The following LRP2 variants were observed in gnomAD, a reference collection of about 807,000 sequenced individuals.
LRP2 encodes LDL receptor related protein 2.
In LRP2, 172 loss-of-function variants were observed where a neutral mutation model predicts 531.0. The ratio of observed to expected loss-of-function variants is 0.32; its 90% confidence interval spans 0.29 to 0.37. The LOEUF is 0.37. Ranked by LOEUF, LRP2 falls within the 10% of genes least tolerant of loss-of-function variation. The pLI is 1.00. For synonymous variants in LRP2, 1,992 were observed against 2,027.6 expected (o/e 0.98, Z 0.47); for missense variants, 5,167 against 5,868.3 (o/e 0.88, Z 3.90).
At chr2:169,336,912 C>T (rs1685421109) in intron 1 of LRP2, among the ~76,000 whole-genome samples, 2 of 152,160 alleles carry the variant, frequency 1.3e-5, no homozygotes, top group African/African-American at 4.8e-5. Flanking sequence ...ACTATAAGCA[C>T]TCAACACTTC....
At position 169,255,493 on chromosome 2, in the gene LRP2, CT is replaced by C. The variant is rs1488630658; in HGVS notation, c.2770+612del. On this transcript the variant is annotated intron_variant, in intron 19 of 78. Transcript: ENST00000649046. Reference sequence around the variant, plus strand: ...AATTCATGCTTCTCAGCAATCTTCACTAGTAGCATGAAATTATTTGGAAAGG... The same window carrying C: ...AATTCATGCTTCTCAGCAATCTTCACAGTAGCATGAAATTATTTGGAAAGG... 2.6e-5 allele frequency among the ~76,000 whole-genome samples: 4 copies of C among 151,186 alleles called. No individual in the cohort carries two copies. In the Admixed American group the frequency reaches 2.7e-4, roughly 10 times the overall value.
chr2:169,314,715 G>C (rs929530652), intron 3 of LRP2, among the ~76,000 whole-genome samples: 3 of 152,132 alleles, frequency 2.0e-5, no homozygotes, highest in Non-Finnish European at 4.4e-5. Flanking sequence ...CCTTATACCT[G>C]TGGGTCCAAT....
At chr2:169,332,194 T>G (rs1363312353) in intron 1 of LRP2, among the ~76,000 whole-genome samples, 1 of 152,188 alleles carries the variant, frequency 6.6e-6, no homozygotes, top group Non-Finnish European at 1.5e-5. Flanking sequence ...GAGAAGAAAT[T>G]GACTCTCAAT....
chr2:169,351,116 A>G (rs762536794), intron 1 of LRP2, among the ~76,000 whole-genome samples: 2 of 152,246 alleles, frequency 1.3e-5, no homozygotes, highest in Non-Finnish European at 2.9e-5. Context: ...TAAGTGTTTC[A>G]AGGAGGAAGT....
Position 169,212,250 on chromosome 2 carries a change from A to G in LRP2, c.6041-43T>C, listed in dbSNP as rs1330352995. ...CCATTTGTAACTTTTGATCCTAGCTACTCGCCACCCCATCTCAAATTTCTT... is the reference window on the plus strand; with the variant it reads ...CCATTTGTAACTTTTGATCCTAGCTGCTCGCCACCCCATCTCAAATTTCTT... On this transcript the variant is annotated intron_variant, in intron 36 of 78. Transcript: ENST00000649046. 2.5e-6 allele frequency: 4 copies of G among 1,613,394 alleles called. No homozygotes were observed. The African/African-American group carries it at 5.3e-5, about 22-fold the overall frequency.
At chr2:169,242,853 C>T in intron 24 of LRP2, 103 bp downstream of exon 24, 1 of 855,080 alleles carries the variant, frequency 1.2e-6, no homozygotes, top group Non-Finnish European at 2.0e-6. Context: ...TACTTTCCCC[C>T]AGTTTGTCTG....
intron 19 of LRP2, among the ~76,000 whole-genome samples, chr2:169,247,930 A>G (rs1356296013): frequency 6.6e-6 from 1 of 152,202 alleles, no homozygotes; most frequent in Non-Finnish European, 1.5e-5. Context: ...GACAGTCTGA[A>G]TCATTCCTGA....
intron 41 of LRP2, 78 bp from the exon 42 acceptor site, chr2:169,204,349 G>A (rs745477383): frequency 1.3e-5 from 17 of 1,314,150 alleles, no homozygotes; most frequent in Middle Eastern, 2.1e-4. Context: ...CAATGCATGC[G>A]CCTCATCATT....
At chr2:169,361,271 C>T (rs968124878) in intron 1 of LRP2, among the ~76,000 whole-genome samples, 3 of 151,754 alleles carry the variant, frequency 2.0e-5, no homozygotes, top group African/African-American at 7.3e-5. Context: ...CCGGTTCCAG[C>T]CTCCTCCTCG....
chr2:169,360,046 A>C (rs1345314215), intron 1 of LRP2, among the ~76,000 whole-genome samples: 3 of 149,116 alleles, frequency 2.0e-5, no homozygotes, highest in African/African-American at 7.5e-5. Flanking sequence ...GATCGCTTGA[A>C]CCTGGGAGGC....
intron 46 of LRP2, among the ~76,000 whole-genome samples, chr2:169,196,578 C>T (rs780579967): frequency 6.6e-6 from 1 of 152,162 alleles, no homozygotes; most frequent in Non-Finnish European, 1.5e-5. Flanking sequence ...GCTTTCTGGG[C>T]CAGCACTCAA....
chr2:169,130,486 C>T (rs571954961), intron 77 of LRP2, among the ~76,000 whole-genome samples: 1 of 152,130 alleles, frequency 6.6e-6, no homozygotes, highest in African/African-American at 2.4e-5. Context: ...TGGGGTTTCA[C>T]TATGTTGGCC....
In LRP2 at chr2:169,241,300, G is replaced by A. The variant is rs1258929904; in HGVS notation, c.3733C>T (p.Pro1245Ser). 3 of 1,614,164 alleles carry A rather than the reference G, an allele frequency of 1.9e-6. No homozygotes were observed. The highest frequency in any genetic ancestry group is 2.2e-5 in the East Asian group (1 of 44,884). The change falls in exon 25 of 79, where the codon CCG (proline) becomes TCG (serine). Residue 1245 changes from proline (P) to serine (S), a missense_variant. Coordinates refer to ENST00000649046, the MANE Select transcript of LRP2 (RefSeq NM_004525.3). ...TGCCCATCACATTCCCAGAAGTTCG[G>A]GATGCAGATACCATCTTCTTGGCAC... ...FQCQEDGICI[P>S]NFWECDGHPD... is the part of the protein sequence containing the mutation.
At chr2:169,299,701 A>G (rs1684240139) in intron 4 of LRP2, among the ~76,000 whole-genome samples, 1 of 152,118 alleles carries the variant, frequency 6.6e-6, no homozygotes, top group South Asian at 2.1e-4. Context: ...GCACGGGGCT[A>G]CATGTTTTCA....
At chr2:169,282,164 C>T (rs1369953726) in intron 10 of LRP2, among the ~76,000 whole-genome samples, 1 of 152,100 alleles carries the variant, frequency 6.6e-6, no homozygotes, top group Non-Finnish European at 1.5e-5. Flanking sequence ...AGAAAATGGG[C>T]CATTCTTCAG....
chr2:169,293,623 C>T (rs1020626471), intron 6 of LRP2, among the ~76,000 whole-genome samples: 4 of 152,034 alleles, frequency 2.6e-5, no homozygotes, highest in Non-Finnish European at 4.4e-5. Flanking sequence ...GGCAGTAAGC[C>T]GAGATCGCGC....
chr2:169,163,983 C>T (rs1234631461), intron 62 of LRP2, among the ~76,000 whole-genome samples: 1 of 152,200 alleles, frequency 6.6e-6, no homozygotes, highest in Admixed American at 6.5e-5. Flanking sequence ...AATGTCTGCC[C>T]AGAGTGGCCA....
chr2:169,266,224 A>G (rs1026004837), intron 16 of LRP2, among the ~76,000 whole-genome samples: 7 of 151,984 alleles, frequency 4.6e-5, no homozygotes, highest in Admixed American at 2.6e-4. Flanking sequence ...TGATGTAAGA[A>G]AGCAAAACGC....
chr2:169,225,509 G>C, intron 32 of LRP2, 56 bp from the exon 33 acceptor site: 1 of 1,600,884 alleles, frequency 6.2e-7, no homozygotes, highest in Non-Finnish European at 8.5e-7. Context: ...TCCTACAAAA[G>C]AACCCTTTCT....
Sources: gnomAD v4.1 joint callset for allele counts (sites outside exome capture counted in the v4.1 genomes callset) on GRCh38, gnomAD v4.1.1 for gene constraint, MANE v1.5 for transcripts, NCBI Gene and HGNC (gene_info 2026-07-23, HGNC 2026-07-21) for gene names.